The following ATR variants were observed in gnomAD, a reference collection of about 807,000 sequenced individuals.
The protein encoded by ATR is ATR checkpoint kinase.
In ATR, 142 loss-of-function variants were observed where a neutral mutation model predicts 305.3. The ratio of observed to expected loss-of-function variants is 0.47; its 90% CI spans 0.41 to 0.53. The LOEUF (loss-of-function observed/expected upper bound fraction) is 0.53, where lower values mean the gene tolerates loss of function less well. Ranked by LOEUF, ATR falls within the 20% of genes least tolerant of loss-of-function variation. The pLI, the probability that ATR is intolerant of heterozygous loss-of-function variation, is 0.00. For synonymous variants in ATR, 1,050 were observed against 1,068.1 expected, an observed-to-expected ratio of 0.98 and a Z score of 0.33; for missense variants, 2,135 against 3,133.1, an observed-to-expected ratio of 0.68 and a Z score of 7.60.
intron 15 of ATR, 113 bp downstream of exon 15, chr3:142,549,366 A>G (rs561065306): frequency 4.4e-6 from 3 of 687,580 alleles, no homozygotes; most frequent in Non-Finnish European, 6.8e-6. Context: ...TTAAACTTAC[A>G]TTCTTCTAGG....
In ATR at chr3:142,467,952, T is replaced by C; in HGVS notation, c.6669A>G (p.Leu2223=). Residue 2223 remains leucine, a synonymous_variant, in exon 39 of 47, where the codon CTA becomes CTG. Transcript: ENST00000350721. ...GDATRLTDKL[L]ELCNKPVDGS... The stretch of plus-strand genomic sequence containing the variant: ...ATAGTACCGGTTTATTGCACAATTC[T>C]AGAAGCTTATCTGTTAGGCGAGTTG... The C allele has an allele frequency of 2.5e-6, 4 of 1,613,000 alleles. No homozygotes were observed. Among genetic ancestry groups the C allele is most frequent in the Non-Finnish European group, 3.4e-6 (4 of 1,179,442 alleles).
At chr3:142,521,628 C>T (rs1559961309) in intron 23 of ATR, among the ~76,000 whole-genome samples, 1 of 152,046 alleles carries the variant, frequency 6.6e-6, no homozygotes, top group Non-Finnish European at 1.5e-5. Flanking sequence ...TGATTCCAAC[C>T]CCTCCTGGAT....
rs397760180 is a variant in ATR, at chr3:142,510,115, G to GAA, written c.4853-2008_4853-2007dup. 6.3e-3 allele frequency among the ~76,000 whole-genome samples: 600 copies of GAA among 95,162 alleles called. 21 individuals carry two copies. Among genetic ancestry groups the GAA allele is most frequent in the African/African-American group, 0.016 (413 of 25,614 alleles). 62.4% of individuals were successfully genotyped at this position (95,162 alleles called of 152,430 possible). A position where few individuals can be genotyped will look rare whatever the true frequency, so the allele number is the denominator to read the frequency against. ...TGGGCTATAGAGTGAGACTGTCTCA[G>GAA]AAAAAAAAAAAAAAAAAAAGCTACT... On this transcript the variant is annotated intron_variant, in intron 27 of 46. Coordinates refer to ENST00000350721, the MANE Select transcript of ATR (RefSeq NM_001184.4).
chr3:142,574,458 CAAAAAAAAAAA>C (rs59441794), intron 1 of ATR, among the ~76,000 whole-genome samples: 3 of 114,646 alleles, frequency 2.6e-5, no homozygotes, highest in African/African-American at 9.6e-5. Flanking sequence ...GAGCCAGTCT[CAAAAAAAAAAA>C]AAAAAAAAGA....
chr3:142,573,899 A>G (rs1402447612), intron 1 of ATR, among the ~76,000 whole-genome samples: 1 of 152,184 alleles, frequency 6.6e-6, no homozygotes, highest in African/African-American at 2.4e-5. Flanking sequence ...ATTTAACAAA[A>G]AATTCAAAAT....
chr3:142,491,274 C>T, intron 35 of ATR, among the ~76,000 whole-genome samples: 1 of 152,190 alleles, frequency 6.6e-6, no homozygotes, highest in Middle Eastern at 3.2e-3. Flanking sequence ...CTACAGTAGT[C>T]AGCCTCTATT....
chr3:142,574,456 C>A (rs1394469291), intron 1 of ATR, among the ~76,000 whole-genome samples: 2 of 17,648 alleles, frequency 1.1e-4, no homozygotes, highest in Non-Finnish European at 2.0e-4. Context: ...GTGAGCCAGT[C>A]TCAAAAAAAA....
intron 46 of ATR, chr3:142,452,671 C>T: frequency 6.8e-6 from 7 of 1,029,888 alleles, no homozygotes; most frequent in Non-Finnish European, 8.2e-6. Flanking sequence ...GAGACTCTGT[C>T]TCAAAAACAA....
chr3:142,542,533 A>G (rs970947694), intron 17 of ATR, 132 bp downstream of exon 17: 7 of 883,000 alleles, frequency 7.9e-6, no homozygotes, highest in Non-Finnish European at 1.3e-5. Flanking sequence ...CAAAAAACGT[A>G]TATGAGTTCT....
intron 15 of ATR, among the ~76,000 whole-genome samples, chr3:142,548,532 G>C (rs2034353356): frequency 6.6e-6 from 1 of 152,214 alleles, no homozygotes; most frequent in Middle Eastern, 3.4e-3. Context: ...AGCCAGGCCT[G>C]GTGGCAGACA....
intron 15 of ATR, 63 bp from the exon 16 acceptor site, chr3:142,547,973 ACT>A: frequency 7.2e-7 from 1 of 1,394,496 alleles, no homozygotes. Context: ...AAATAAGTAT[ACT>A]GATTTTAACA....
At chr3:142,480,685 G>T (rs915338132) in intron 36 of ATR, among the ~76,000 whole-genome samples, 1 of 152,212 alleles carries the variant, frequency 6.6e-6, no homozygotes, top group Admixed American at 6.5e-5. Context: ...GCCCCCAGAG[G>T]TGGAGTCTAC....
intron 1 of ATR, among the ~76,000 whole-genome samples, chr3:142,576,428 T>C (rs2035440759): frequency 6.6e-6 from 1 of 152,186 alleles, no homozygotes; most frequent in South Asian, 2.1e-4. Context: ...GTAAGATTAC[T>C]TGGGAAGACA....
At chr3:142,557,147 T>C (rs1379324534) in intron 8 of ATR, among the ~76,000 whole-genome samples, 1 of 152,068 alleles carries the variant, frequency 6.6e-6, no homozygotes, top group Admixed American at 6.6e-5. Flanking sequence ...GAGCATAAGA[T>C]TCCCCATTTC....
In ATR at chr3:142,526,294, GGA is replaced by G. The variant is rs554270563; in HGVS notation, c.3946-2097_3946-2096del. On this transcript the variant is annotated intron_variant, in intron 21 of 46. Coordinates refer to ENST00000350721, the MANE Select transcript of ATR (RefSeq NM_001184.4). ...TCCGAAGTATATTAGCATAAGAAAT[GGA>G]GATAATTTTACATCTTTTCCAATTC... is the stretch of plus-strand genomic sequence containing the variant. Among the ~76,000 whole-genome samples the G allele has an allele frequency of 6.4e-3, 970 of 152,112 alleles. 13 individuals carry two copies. The highest frequency in any genetic ancestry group is 0.022 in the African/African-American group (932 of 41,500).
At chr3:142,487,955 C>T (rs889753621) in intron 35 of ATR, among the ~76,000 whole-genome samples, 7 of 152,194 alleles carry the variant, frequency 4.6e-5, no homozygotes, top group Non-Finnish European at 8.8e-5. Flanking sequence ...TCACAGTTTG[C>T]CCCTCCAGAT....
chr3:142,513,424 T>C, intron 26 of ATR, 77 bp downstream of exon 26: 1 of 1,524,166 alleles, frequency 6.6e-7, no homozygotes, highest in Non-Finnish European at 9.1e-7. Context: ...TACTAATAGG[T>C]AGCCTTTCTA....
intron 23 of ATR, among the ~76,000 whole-genome samples, chr3:142,521,320 A>T (rs557509401): frequency 4.6e-5 from 7 of 152,262 alleles, no homozygotes; most frequent in African/African-American, 1.7e-4. Context: ...TGTACCTGTC[A>T]CCTGGGAGCT....
At chr3:142,575,033 T>C (rs1577725210) in intron 1 of ATR, among the ~76,000 whole-genome samples, 1 of 148,470 alleles carries the variant, frequency 6.7e-6, no homozygotes, top group Non-Finnish European at 1.5e-5. Context: ...ATTAAGCAAG[T>C]TTTAAAAAAC....
Sources: gnomAD v4.1 joint callset for allele counts (sites outside exome capture counted in the v4.1 genomes callset) on GRCh38, gnomAD v4.1.1 for gene constraint, MANE v1.5 for transcripts, NCBI Gene and HGNC (gene_info 2026-07-23, HGNC 2026-07-21) for gene names.